The following NF1 variants were observed in gnomAD, a reference collection of about 807,000 sequenced individuals.
NF1 encodes neurofibromin 1, also known as neurofibromin.
In NF1, 122 loss-of-function variants were observed where a neutral mutation model predicts 325.7. The observed-to-expected ratio is 0.37, with a 90% CI of 0.32 to 0.44. The LOEUF is 0.44. Among genes scored for constraint, NF1 ranks in the 20% least tolerant of loss-of-function variants. The pLI is 1.00. For synonymous variants in NF1, 1,091 were observed against 1,186.0 expected (o/e 0.92, Z 1.65); for missense variants, 2,140 against 3,415.4 (o/e 0.63, Z 9.31).
intron 51 of NF1, among the ~76,000 whole-genome samples, chr17:31,353,617 C>T (rs2070206141): frequency 6.6e-6 from 1 of 152,088 alleles, no homozygotes; most frequent in Admixed American, 6.6e-5. Flanking sequence ...GACCCCGACT[C>T]CAAACAAACA....
At chr17:31,107,158 G>T (rs1426428462) in intron 1 of NF1, among the ~76,000 whole-genome samples, 1 of 151,342 alleles carries the variant, frequency 6.6e-6, no homozygotes, top group African/African-American at 2.4e-5. Context: ...TTCTATTCCT[G>T]TCCCACCTTG....
At position 31,230,298 on chromosome 17, in the gene NF1, A is replaced by G. The variant is rs2067090882; in HGVS notation, c.3029A>G (p.Gln1010Arg). 1.2e-6 allele frequency: 2 copies of G among 1,613,384 alleles called. No homozygotes were observed. The highest frequency in any genetic ancestry group is 1.7e-6 in the Non-Finnish European group (2 of 1,179,582). ...CTTGGGAATATGGTCCATGCAATTC[A>G]AATAAAAACGAAACTGTGTCAATTA... ...RVLGNMVHAI[Q>R]IKTKLCQLVE... The change falls in exon 23 of 58, where the codon CAA becomes CGA. Residue 1010 changes from glutamine (Q) to arginine (R), a missense_variant. Gln to Arg is a conservative substitution (Grantham distance 43). Coordinates refer to ENST00000358273, the MANE Select transcript of NF1 (RefSeq NM_001042492.3).
intron 8 of NF1, among the ~76,000 whole-genome samples, chr17:31,184,627 G>A (rs1193852084): frequency 1.4e-5 from 2 of 146,706 alleles, no homozygotes; most frequent in East Asian, 4.0e-4. Flanking sequence ...TCCAGCCTGG[G>A]CGACAGCGAG....
Position 31,374,465 on chromosome 17 carries a change from T to A in NF1, c.*310T>A. On this transcript the variant is annotated 3_prime_UTR_variant, in exon 58 of 58. Coordinates refer to ENST00000358273, the MANE Select transcript of NF1 (RefSeq NM_001042492.3). ...GAGAAATCTCAATTGTAAGAGAGGA[T>A]GAATTCTTGAATACTGCTACTACTG... 4.3e-6 allele frequency: 2 copies of A among 464,444 alleles called. No homozygotes were observed. The highest frequency in any genetic ancestry group is 8.0e-6 in the Non-Finnish European group (2 of 251,346). 28.8% of individuals were successfully genotyped at this position (464,444 alleles called of 1,614,324 possible). A position where few individuals can be genotyped will look rare whatever the true frequency, so the allele number is the denominator to read the frequency against.
chr17:31,204,145 A>G (rs967751431), intron 11 of NF1, among the ~76,000 whole-genome samples: 1 of 152,100 alleles, frequency 6.6e-6, no homozygotes, highest in Non-Finnish European at 1.5e-5. Flanking sequence ...GAAATTTAAA[A>G]AGTAATATAC....
At chr17:31,276,079 T>TG (rs2068002262) in intron 36 of NF1, among the ~76,000 whole-genome samples, 1 of 151,812 alleles carries the variant, frequency 6.6e-6, no homozygotes, top group Non-Finnish European at 1.5e-5. Flanking sequence ...CTTGGTGGTA[T>TG]GCGCCTGTAG....
At chr17:31,271,746 G>T (rs760506617) in intron 36 of NF1, among the ~76,000 whole-genome samples, 12 of 151,906 alleles carry the variant, frequency 7.9e-5, no homozygotes, top group Non-Finnish European at 1.3e-4. Flanking sequence ...GTGAAACTCT[G>T]TCTCAAAAAA....
chr17:31,168,802 A>G (rs1249425015), intron 4 of NF1, among the ~76,000 whole-genome samples: 2 of 152,086 alleles, frequency 1.3e-5, no homozygotes, highest in Non-Finnish European at 2.9e-5. Flanking sequence ...AATTTTTCCT[A>G]ATGTTTTTAG....
At chr17:31,158,883 A>G (rs1286530890) in intron 2 of NF1, 127 bp from the exon 3 acceptor site, 3 of 627,150 alleles carry the variant, frequency 4.8e-6, no homozygotes, top group Admixed American at 2.4e-5. Context: ...ATATTTAAGT[A>G]TAGTATAATC....
At chr17:31,145,500 C>A (rs1353038058) in intron 1 of NF1, among the ~76,000 whole-genome samples, 1 of 152,084 alleles carries the variant, frequency 6.6e-6, no homozygotes, top group African/African-American at 2.4e-5. Context: ...GGCTGGTCTT[C>A]CCATTTTTTT....
chr17:31,223,496 A>G lies in NF1; in HGVS notation c.1774A>G (p.Ser592Gly). 1 of 1,613,120 alleles carries G rather than the reference A, an allele frequency of 6.2e-7. No homozygotes were observed. Among genetic ancestry groups the G allele is most frequent in the Non-Finnish European group, 8.5e-7 (1 of 1,179,272 alleles). The change falls in exon 16 of 58, where the codon AGT becomes GGT. Residue 592 changes from serine to glycine, a missense_variant. By Grantham distance (56) the Ser-to-Gly change is moderately conservative. Coordinates refer to ENST00000358273, the MANE Select transcript of NF1 (RefSeq NM_001042492.3). ...GAAATTAACTAGTCATCAAATGCTT[A>G]GTAGCACAGAAATTCTCAAGTGGTT... The part of the protein sequence containing the change: ...CKKLTSHQML[S>G]STEILKWLRE...
chr17:31,320,712 C>T (rs2151530487), intron 36 of NF1, among the ~76,000 whole-genome samples: 1 of 152,230 alleles, frequency 6.6e-6, no homozygotes, highest in East Asian at 1.9e-4. Context: ...AAGTCACTGG[C>T]TTTTGTATAA....
At chr17:31,313,722 ATGT>A (rs1348836977) in intron 36 of NF1, among the ~76,000 whole-genome samples, 9 of 139,026 alleles carry the variant, frequency 6.5e-5, no homozygotes, top group African/African-American at 2.5e-4. Context: ...AAAAAAAAAT[ATGT>A]GTGTGTGTGT....
intron 50 of NF1, among the ~76,000 whole-genome samples, chr17:31,350,757 A>G (rs1293833641): frequency 1.3e-5 from 2 of 152,166 alleles, no homozygotes; most frequent in African/African-American, 4.8e-5. Flanking sequence ...AAAGTTTTCT[A>G]TAATGTAGAC....
chr17:31,303,521 A>G (rs532023962), intron 36 of NF1, among the ~76,000 whole-genome samples: 1 of 152,308 alleles, frequency 6.6e-6, no homozygotes, highest in South Asian at 2.1e-4. Flanking sequence ...CGTATTTAGA[A>G]TGAAGCCATA....
intron 11 of NF1, among the ~76,000 whole-genome samples, chr17:31,204,538 A>C (rs566462804): frequency 6.6e-6 from 1 of 152,088 alleles, no homozygotes; most frequent in African/African-American, 2.4e-5. Flanking sequence ...CTAGTTTTTC[A>C]TACTTATTTT....
chr17:31,235,387 C>T (rs189540982), intron 27 of NF1, among the ~76,000 whole-genome samples: 3 of 152,160 alleles, frequency 2.0e-5, no homozygotes, highest in East Asian at 1.9e-4. Context: ...TAGCTTTTAC[C>T]GGTTAATCCT....
At chr17:31,198,418 T>C (rs1322144848) in intron 8 of NF1, among the ~76,000 whole-genome samples, 1 of 152,248 alleles carries the variant, frequency 6.6e-6, no homozygotes, top group African/African-American at 2.4e-5. Context: ...TTGTGATTAC[T>C]GATTAATCCC....
intron 8 of NF1, among the ~76,000 whole-genome samples, chr17:31,193,123 A>G (rs1241804745): frequency 6.6e-6 from 1 of 152,200 alleles, no homozygotes; most frequent in African/African-American, 2.4e-5. Flanking sequence ...AGTGTTTCTC[A>G]AAGTGTGGTC....
Sources: gnomAD v4.1 joint callset for allele counts (sites outside exome capture counted in the v4.1 genomes callset) on GRCh38, gnomAD v4.1.1 for gene constraint, MANE v1.5 for transcripts, NCBI Gene and HGNC (gene_info 2026-07-23, HGNC 2026-07-21) for gene names.